CIMIP7: variants seen among roughly 807,000 people sequenced by gnomAD.
CIMIP7 encodes the protein uncharacterized protein C3orf84.
At chr3:49,189,711 A>T in the CIMIP7 span, 1 of 461,144 alleles carries the variant, frequency 2.2e-6, no homozygotes, top group Non-Finnish European at 4.2e-6. Context: ...TCTGAATGTG[A>T]AGGTAGTTGT....
the CIMIP7 span, chr3:49,178,429 C>G: frequency 2.2e-5 from 34 of 1,553,548 alleles, no homozygotes; most frequent in Non-Finnish European, 3.0e-5. Flanking sequence ...TCTGTCCAGA[C>G]TTCAGCTTAG....
chr3:49,181,877 C>T, the CIMIP7 span, among the ~76,000 whole-genome samples: 2 of 152,186 alleles, frequency 1.3e-5, no homozygotes, highest in African/African-American at 2.4e-5. Context: ...GTTAACAGTT[C>T]TTAAAGGCGG....
At chr3:49,186,715 G>A in the CIMIP7 span, among the ~76,000 whole-genome samples, 1 of 152,040 alleles carries the variant, frequency 6.6e-6, no homozygotes, top group Admixed American at 6.6e-5. Flanking sequence ...TAGCCACCAC[G>A]CCCCGCCCAT....
At chr3:49,181,984 G>A in the CIMIP7 span, among the ~76,000 whole-genome samples, 4 of 152,174 alleles carry the variant, frequency 2.6e-5, no homozygotes, top group Non-Finnish European at 4.4e-5. Flanking sequence ...TGAAGCTGCA[G>A]ACCTCCGCGG....
At chr3:49,177,654 T>C in the CIMIP7 span, 3 of 1,586,574 alleles carry the variant, frequency 1.9e-6, no homozygotes, top group Admixed American at 5.1e-5. Flanking sequence ...CCTTGTTTAA[T>C]GCTCTGGACC....
the CIMIP7 span, among the ~76,000 whole-genome samples, chr3:49,189,505 A>G: frequency 6.6e-6 from 1 of 152,178 alleles, no homozygotes; most frequent in Non-Finnish European, 1.5e-5. Context: ...CCCATTCTCC[A>G]GAAGCCTGCT....
the CIMIP7 span, among the ~76,000 whole-genome samples, chr3:49,186,798 G>C: frequency 6.6e-6 from 1 of 152,198 alleles, no homozygotes; most frequent in African/African-American, 2.4e-5. Context: ...ATGAACTTTA[G>C]TGATTAAATC....
the CIMIP7 span, among the ~76,000 whole-genome samples, chr3:49,190,662 A>ACT: frequency 7.5e-6 from 1 of 132,540 alleles, no homozygotes; most frequent in African/African-American, 2.9e-5. Context: ...TGCCAGGCTG[A>ACT]ATTTTTTTTT....
At chr3:49,180,082 G>A in the CIMIP7 span, among the ~76,000 whole-genome samples, 2 of 152,188 alleles carry the variant, frequency 1.3e-5, no homozygotes, top group Non-Finnish European at 2.9e-5. Flanking sequence ...AGACCAACCT[G>A]GCCAACATGG....
the CIMIP7 span, among the ~76,000 whole-genome samples, chr3:49,179,181 C>T: frequency 6.6e-6 from 1 of 152,170 alleles, no homozygotes; most frequent in East Asian, 1.9e-4. Flanking sequence ...TCATACCCCA[C>T]ATTGAATATG....
At chr3:49,177,728 C>A in the CIMIP7 span, 1 of 1,609,690 alleles carries the variant, frequency 6.2e-7, no homozygotes, top group East Asian at 2.2e-5. Flanking sequence ...CTTGGGATCC[C>A]TGGGAGGTCA....
the CIMIP7 span, chr3:49,177,681 G>T: frequency 6.2e-7 from 1 of 1,608,046 alleles, no homozygotes; most frequent in South Asian, 1.1e-5. Context: ...GACACTCAGA[G>T]ACCCCAGCAT....
At chr3:49,181,764 G>T in the CIMIP7 span, among the ~76,000 whole-genome samples, 2 of 152,214 alleles carry the variant, frequency 1.3e-5, no homozygotes, top group African/African-American at 4.8e-5. Flanking sequence ...TCTAACCAAA[G>T]AAGATTTACA....
chr3:49,190,198 C>T, the CIMIP7 span: 1 of 1,242,936 alleles, frequency 8.0e-7, no homozygotes, highest in South Asian at 1.3e-5. Context: ...GATCCTAGAC[C>T]TCAGGGCCCC....
At chr3:49,190,743 A>G in the CIMIP7 span, among the ~76,000 whole-genome samples, 2,851 of 138,344 alleles carry the variant, frequency 0.021, 70 homozygotes, top group African/African-American at 0.073. Flanking sequence ...ATCTTGGTTC[A>G]CTGCAACCTC....
chr3:49,178,506 G>C, the CIMIP7 span: 2 of 1,613,690 alleles, frequency 1.2e-6, no homozygotes. Flanking sequence ...TACGGTTGTC[G>C]TGCTTGGAGA....
chr3:49,190,882 T>A, the CIMIP7 span, among the ~76,000 whole-genome samples: 1 of 152,068 alleles, frequency 6.6e-6, no homozygotes, highest in Non-Finnish European at 1.5e-5. Context: ...TTGGCCAGGC[T>A]GGTCTCGAAC....
chr3:49,186,553 G>A, the CIMIP7 span, among the ~76,000 whole-genome samples: 3,327 of 152,170 alleles, frequency 0.022, 115 homozygotes, highest in African/African-American at 0.076. Context: ...ACAGGCGCCC[G>A]CCACCATGCT....
At chr3:49,191,068 C>T in the CIMIP7 span, among the ~76,000 whole-genome samples, 1,154 of 152,296 alleles carry the variant, frequency 7.6e-3, 7 homozygotes, top group Non-Finnish European at 0.012. Context: ...TACGTGTACA[C>T]TCTGTGGATG....
Sources: gnomAD v4.1 joint callset for allele counts (sites outside exome capture counted in the v4.1 genomes callset) on GRCh38, gnomAD v4.1.1 for gene constraint, MANE v1.5 for transcripts, NCBI Gene and HGNC (gene_info 2026-07-23, HGNC 2026-07-21) for gene names.